The following ESR1 variants were observed in gnomAD, a reference collection of about 807,000 sequenced individuals.
ESR1 encodes estrogen receptor 1.
In ESR1, 12 loss-of-function variants were observed where a neutral mutation model predicts 52.7. The ratio of observed to expected loss-of-function variants is 0.23; its 90% CI spans 0.15 to 0.37. The LOEUF is 0.37. ESR1 is among the 10% of genes least tolerant of loss of function. The probability of loss-of-function intolerance (pLI) is 1.00; values close to 1 mark genes in which losing one functional copy is unlikely to be tolerated. For missense variants in ESR1, 584 were observed against 779.7 expected (o/e 0.75, Z 2.99); for synonymous variants, 305 against 316.8 (o/e 0.96, Z 0.39).
intron 4 of ESR1, among the ~76,000 whole-genome samples, chr6:151,981,338 G>A (rs536780795): frequency 9.9e-5 from 15 of 152,264 alleles, no homozygotes; most frequent in Middle Eastern, 3.4e-3. Context: ...GAAGTTTCTC[G>A]TTCATGGTCT....
chr6:151,827,354 AAAAAAG>A (rs1159000800), intron 1 of ESR1, among the ~76,000 whole-genome samples: 12 of 151,434 alleles, frequency 7.9e-5, no homozygotes, highest in Admixed American at 1.3e-4. Context: ...CAAAAAAAAA[AAAAAAG>A]AAAAAGAAAA....
chr6:151,943,386 A>C (rs373960686), intron 3 of ESR1, among the ~76,000 whole-genome samples: 3 of 146,174 alleles, frequency 2.1e-5, no homozygotes, highest in Admixed American at 6.9e-5. Flanking sequence ...TCTTAAAAAA[A>C]AAACAAAAAA....
At chr6:151,970,263 G>T (rs562583937) in intron 4 of ESR1, among the ~76,000 whole-genome samples, 21 of 152,222 alleles carry the variant, frequency 1.4e-4, no homozygotes, top group Non-Finnish European at 2.8e-4. Flanking sequence ...ATGAAGGCTT[G>T]CTTTCTGTCA....
At chr6:151,675,726 C>T (rs1432384166) in intron 1 of ESR1, among the ~76,000 whole-genome samples, 1 of 152,206 alleles carries the variant, frequency 6.6e-6, no homozygotes, top group East Asian at 1.9e-4. Context: ...TAAGTTTGAT[C>T]ATTTGCTTGT....
At chr6:151,739,039 G>T (rs747293846) in intron 2 of ESR1, among the ~76,000 whole-genome samples, 2 of 152,130 alleles carry the variant, frequency 1.3e-5, no homozygotes, top group Non-Finnish European at 2.9e-5. Flanking sequence ...ATGGAATATG[G>T]ATGATTGGTA....
rs568380430 is a variant in ESR1 at position 151,847,933 on chromosome 6, A to C, written c.643+5146A>C. On this transcript the variant is annotated intron_variant, in intron 2 of 7. Coordinates refer to ENST00000206249, the MANE Select transcript of ESR1 (RefSeq NM_000125.4). ...AAGTCAGTGTGGCGATTCCTCAGGG[A>C]TCTAGAACTAGAAATACCATTTGAC... is the stretch of plus-strand genomic sequence containing the variant. Among the ~76,000 whole-genome samples, 146 of 151,036 alleles carry C rather than the reference A, an allele frequency of 9.7e-4. No individual in the cohort carries two copies. In the Middle Eastern group the frequency reaches 0.031, roughly 32 times the overall value.
intron 1 of ESR1, among the ~76,000 whole-genome samples, chr6:151,681,328 A>G (rs1168284738): frequency 6.6e-6 from 1 of 151,752 alleles, no homozygotes; most frequent in Non-Finnish European, 1.5e-5. Flanking sequence ...CCTCAGGACG[A>G]TTGGACCGAG....
chr6:151,972,746 C>T (rs906097445), intron 4 of ESR1, among the ~76,000 whole-genome samples: 1 of 152,082 alleles, frequency 6.6e-6, no homozygotes, highest in Non-Finnish European at 1.5e-5. Flanking sequence ...AGTATTGACT[C>T]ACACGATCAC....
chr6:152,048,138 AG>A (rs1584997158), intron 5 of ESR1, among the ~76,000 whole-genome samples: 1 of 151,852 alleles, frequency 6.6e-6, no homozygotes, highest in East Asian at 1.9e-4. Flanking sequence ...TCGGACGCCG[AG>A]GCAGGTGGAC....
chr6:151,791,426 C>T (rs1776148888), intron 2 of ESR1, among the ~76,000 whole-genome samples: 1 of 152,186 alleles, frequency 6.6e-6, no homozygotes, highest in African/African-American at 2.4e-5. Flanking sequence ...TGTCTTCTGC[C>T]ATGATTGTGA....
At chr6:151,794,215 C>T (rs1427341055) in intron 2 of ESR1, among the ~76,000 whole-genome samples, 1 of 152,134 alleles carries the variant, frequency 6.6e-6, no homozygotes, top group Non-Finnish European at 1.5e-5. Context: ...TTTCTTTCCA[C>T]TAAAACTAGG....
chr6:151,672,994 AT>A (rs111819437), intron 1 of ESR1, among the ~76,000 whole-genome samples: 5 of 149,100 alleles, frequency 3.4e-5, no homozygotes, highest in East Asian at 2.0e-4. Context: ...ACGCCCAGCT[AT>A]TTTTTTTTGT....
chr6:151,882,754 C>T (rs114337498), intron 3 of ESR1, among the ~76,000 whole-genome samples: 1,561 of 150,986 alleles, frequency 0.01, 24 homozygotes, highest in African/African-American at 0.036. Context: ...TTCATAAAAC[C>T]GATTCTGTTT....
upstream of ESR1, among the ~76,000 whole-genome samples, chr6:151,685,777 A>T (rs899266611): frequency 2.0e-5 from 3 of 151,056 alleles, no homozygotes; most frequent in East Asian, 2.1e-4. Context: ...CTAATAGAAA[A>T]TTTTTCATAA....
intron 5 of ESR1, among the ~76,000 whole-genome samples, chr6:152,020,652 CGTTGGCCAGGCTG>C (rs1472440269): frequency 1.6e-4 from 25 of 151,896 alleles, no homozygotes; most frequent in African/African-American, 6.0e-4. Flanking sequence ...GGTTTTGCCA[CGTTGGCCAGGCTG>C]GTCTGGAACT....
chr6:151,973,881 T>A (rs1036090397), intron 4 of ESR1, among the ~76,000 whole-genome samples: 1 of 152,202 alleles, frequency 6.6e-6, no homozygotes, highest in Non-Finnish European at 1.5e-5. Context: ...TCTTGTTACT[T>A]CATGTCAGGT....
intron 7 of ESR1, among the ~76,000 whole-genome samples, chr6:152,097,872 T>G (rs1239604776): frequency 6.6e-6 from 1 of 152,124 alleles, no homozygotes; most frequent in Admixed American, 6.5e-5. Context: ...CGTGTGTGTT[T>G]GGAGGCGGGA....
intron 2 of ESR1, among the ~76,000 whole-genome samples, chr6:151,717,547 A>T (rs1781141127): frequency 6.6e-6 from 1 of 152,210 alleles, no homozygotes; most frequent in African/African-American, 2.4e-5. Flanking sequence ...CCATAAGATT[A>T]ATTTTCTTCA....
intron 1 of ESR1, among the ~76,000 whole-genome samples, chr6:151,832,233 A>T (rs1413103945): frequency 6.6e-6 from 1 of 152,198 alleles, no homozygotes; most frequent in Non-Finnish European, 1.5e-5. Flanking sequence ...ACCCCAGAAC[A>T]TAGCTACCAC....
Sources: allele counts gnomAD v4.1 joint callset (sites outside exome capture counted in the v4.1 genomes callset), GRCh38; gene constraint gnomAD v4.1.1; transcripts MANE v1.5; gene names NCBI Gene and HGNC (gene_info 2026-07-23, HGNC 2026-07-21).